Variants in DCHS2 observed in about 807,000 individuals in gnomAD.
DCHS2 encodes protocadherin-23.
A neutral mutation model predicts 182.4 loss-of-function variants in DCHS2; 142 were observed. The observed-to-expected ratio is 0.78, with a 90% CI of 0.68 to 0.89. DCHS2 has a LOEUF of 0.89. DCHS2 is among the 40% of genes least tolerant of loss of function. The pLI, the probability that DCHS2 is intolerant of heterozygous loss-of-function variation, is 0.00. For synonymous variants in DCHS2, 1,740 were observed against 1,663.3 expected, an observed-to-expected ratio of 1.05 and a Z score of -1.12; for missense variants, 4,319 against 4,198.6, an observed-to-expected ratio of 1.03 and a Z score of -0.79.
chr4:154,330,490 T>C (rs1234220865), intron 5 of DCHS2, among the ~76,000 whole-genome samples: 1 of 152,158 alleles, frequency 6.6e-6, no homozygotes, highest in Non-Finnish European at 1.5e-5. Context: ...TGCCTCTTCC[T>C]ATTGCCAGGG....
chr4:154,372,698 C>T (rs1730698267), intron 2 of DCHS2, among the ~76,000 whole-genome samples: 1 of 152,152 alleles, frequency 6.6e-6, no homozygotes, highest in Non-Finnish European at 1.5e-5. Context: ...TGAAAAACCA[C>T]TTGATTGCCA....
At chr4:154,348,310 A>C (rs973727320) in intron 3 of DCHS2, among the ~76,000 whole-genome samples, 3 of 151,956 alleles carry the variant, frequency 2.0e-5, no homozygotes, top group Admixed American at 6.5e-5. Flanking sequence ...TTAAAGCAAA[A>C]CCCAAAACCC....
At chr4:154,306,568 G>T (rs1735448767) in intron 10 of DCHS2, among the ~76,000 whole-genome samples, 1 of 151,880 alleles carries the variant, frequency 6.6e-6, no homozygotes, top group East Asian at 1.9e-4. Flanking sequence ...GAAATATCAG[G>T]TGCCAAGCAT....
intron 1 of DCHS2, among the ~76,000 whole-genome samples, chr4:154,487,567 A>T (rs936564508): frequency 5.3e-5 from 8 of 152,218 alleles, no homozygotes; most frequent in Non-Finnish European, 1.0e-4. Flanking sequence ...AAAGAAAGGG[A>T]TGGAGATTAT....
At chr4:154,417,151 G>A (rs1196479473) in intron 1 of DCHS2, among the ~76,000 whole-genome samples, 1 of 146,534 alleles carries the variant, frequency 6.8e-6, no homozygotes, top group African/African-American at 2.5e-5. Context: ...ACCTCAGGCC[G>A]GTCCCGAGTG....
In DCHS2 at chr4:154,391,306, A is replaced by G. The variant is rs976787947; in HGVS notation, c.2053-13862T>C. ...ATCTCATCCAGTCTCATGATTTTAA[A>G]TATCTCCTATATGAGGGTAGCTTCA... is the stretch of plus-strand genomic sequence containing the variant. On this transcript the variant is annotated intron_variant, in intron 1 of 19. Coordinates refer to ENST00000357232, the MANE Select transcript of DCHS2 (RefSeq NM_001358235.2). 4.4e-6 allele frequency: 7 copies of G among 1,574,656 alleles called. No individual in the cohort carries two copies. The African/African-American group carries it at 5.4e-5, about 12-fold the overall frequency.
In DCHS2 at chr4:154,275,533, T is replaced by C. The variant is rs548256127; in HGVS notation, c.6464-5520A>G. On this transcript the variant is annotated intron_variant, in intron 13 of 19. Transcript: ENST00000357232. ...TATTGCATTTTGAGAGACATATTGT[T>C]AATATAAAAATGTCTTAGATTTTTG... is the stretch of plus-strand genomic sequence containing the variant. 2.6e-5 allele frequency among the ~76,000 whole-genome samples: 4 copies of C among 152,212 alleles called. No homozygotes were observed. The East Asian group carries it at 7.7e-4, about 29-fold the overall frequency.
chr4:154,446,827 C>T (rs1034599565), intron 1 of DCHS2, among the ~76,000 whole-genome samples: 21 of 152,144 alleles, frequency 1.4e-4, no homozygotes, highest in African/African-American at 2.4e-5. Flanking sequence ...TATTCAAGTA[C>T]AATTTACTAT....
At chr4:154,324,118 C>A (rs575834609) in intron 7 of DCHS2, among the ~76,000 whole-genome samples, 1 of 152,186 alleles carries the variant, frequency 6.6e-6, no homozygotes, top group Non-Finnish European at 1.5e-5. Flanking sequence ...AATGTTCCAA[C>A]TATGATAAGT....
chr4:154,327,061 T>A (rs1736312421), intron 7 of DCHS2, among the ~76,000 whole-genome samples: 1 of 152,234 alleles, frequency 6.6e-6, no homozygotes, highest in Non-Finnish European at 1.5e-5. Context: ...TAATATTTTA[T>A]ATTTTTCTGT....
chr4:154,419,650 CAAAAAAAAAAAAA>C (rs70947164), intron 1 of DCHS2, among the ~76,000 whole-genome samples: 4 of 44,914 alleles, frequency 8.9e-5, no homozygotes, highest in Admixed American at 6.6e-4. Context: ...AACTCCATCT[CAAAAAAAAAAAAA>C]AAAAAAAAAA....
intron 18 of DCHS2, among the ~76,000 whole-genome samples, chr4:154,239,800 C>T (rs548871866): frequency 3.2e-4 from 48 of 152,210 alleles, no homozygotes; most frequent in African/African-American, 9.6e-4. Context: ...TGAGCCACCA[C>T]GCCTGGCCAG....
intron 12 of DCHS2, among the ~76,000 whole-genome samples, chr4:154,302,870 TA>T (rs975830606): frequency 1.4e-5 from 2 of 147,936 alleles, no homozygotes; most frequent in Non-Finnish European, 3.0e-5. Flanking sequence ...TACGTGTATA[TA>T]TACACACATA....
chr4:154,244,718 C>T (rs1299061529), intron 16 of DCHS2, among the ~76,000 whole-genome samples: 1 of 152,166 alleles, frequency 6.6e-6, no homozygotes, highest in Non-Finnish European at 1.5e-5. Flanking sequence ...TCATGAAGAA[C>T]ACAGGCTGCC....
In DCHS2 at chr4:154,373,470, A is replaced by G. The variant is rs115513393; in HGVS notation, c.2244+3783T>C. Among the ~76,000 whole-genome samples the G allele has an allele frequency of 1.4e-3, 211 of 152,320 alleles. 1 individual carries two copies. The highest frequency in any genetic ancestry group is 4.9e-3 in the African/African-American group (204 of 41,568). On this transcript the variant is annotated intron_variant, in intron 2 of 19. Transcript: ENST00000357232. ...ATACTATATGTGTATACATACACATACACTCACATGAAAACACATATGTTG... is the reference window on the plus strand; with the variant it reads ...ATACTATATGTGTATACATACACATGCACTCACATGAAAACACATATGTTG...
chr4:154,447,551 A>T (rs1734353855), intron 1 of DCHS2, among the ~76,000 whole-genome samples: 1 of 152,208 alleles, frequency 6.6e-6, no homozygotes, highest in Non-Finnish European at 1.5e-5. Flanking sequence ...ATTTTGAAAA[A>T]TCACTTTCAA....
chr4:154,309,020 A>G (rs1050538163), intron 10 of DCHS2, among the ~76,000 whole-genome samples: 3 of 152,192 alleles, frequency 2.0e-5, no homozygotes. Context: ...AAAGTCCCAT[A>G]TGATGTGGGC....
chr4:154,332,266 C>A (rs1344409447), intron 5 of DCHS2, among the ~76,000 whole-genome samples: 1 of 152,172 alleles, frequency 6.6e-6, no homozygotes, highest in Admixed American at 6.5e-5. Context: ...ATTTTTAATC[C>A]ATTTTTAAGA....
chr4:154,319,273 T>A (rs1382504916), intron 9 of DCHS2, among the ~76,000 whole-genome samples: 1 of 152,088 alleles, frequency 6.6e-6, no homozygotes, highest in Non-Finnish European at 1.5e-5. Flanking sequence ...GAAAGCTTTG[T>A]GAAGTGGGTC....
Sources: allele counts gnomAD v4.1 joint callset (sites outside exome capture counted in the v4.1 genomes callset), GRCh38; gene constraint gnomAD v4.1.1; transcripts MANE v1.5; gene names NCBI Gene and HGNC (gene_info 2026-07-23, HGNC 2026-07-21).